POLR3E: variants seen among roughly 807,000 people sequenced by gnomAD.
The protein encoded by POLR3E is DNA-directed RNA polymerase III subunit RPC5.
In POLR3E, 41 loss-of-function variants were observed where a neutral mutation model predicts 96.6. The observed-to-expected ratio is 0.42, with a 90% CI of 0.33 to 0.55. The LOEUF is 0.55. Ranked by LOEUF, POLR3E falls within the 20% of genes least tolerant of loss-of-function variation. The pLI, the probability that POLR3E is intolerant of heterozygous loss-of-function variation, is 0.06. For missense variants in POLR3E, 849 were observed against 952.1 expected (o/e 0.89, Z 1.43); for synonymous variants, 396 against 383.6 (o/e 1.03, Z -0.38).
Position 22,322,842 on chromosome 16 carries a change from A to G in POLR3E, c.987-8A>G, listed in dbSNP as rs1567325024. ...GGACTGACCTGCCATCCTCACCTGCATTGGCAGTGACATCCTATACCCCAA... is the reference window on the plus strand; with the variant it reads ...GGACTGACCTGCCATCCTCACCTGCGTTGGCAGTGACATCCTATACCCCAA... On this transcript the variant is annotated splice_polypyrimidine_tract_variant and splice_region_variant and intron_variant, in intron 13 of 20. Coordinates refer to ENST00000299853, the MANE Select transcript of POLR3E (RefSeq NM_018119.4). The surrounding 1 kb of genome is among the most constrained non-coding windows in gnomAD (Gnocchi z 5.2). The G allele has an allele frequency of 6.2e-7, 1 of 1,607,572 alleles. No individual in the cohort carries two copies. The highest frequency in any genetic ancestry group is 1.1e-5 in the South Asian group (1 of 90,918).
chr16:22,305,408 C>T, intron 3 of POLR3E: 1 of 697,138 alleles, frequency 1.4e-6, no homozygotes, highest in African/African-American at 1.8e-5. Flanking sequence ...ACAGGAGAGG[C>T]AGAAGTGTGC....
chr16:22,298,644 T>C (rs2047956648), intron 1 of POLR3E, among the ~76,000 whole-genome samples: 1 of 152,180 alleles, frequency 6.6e-6, no homozygotes, highest in South Asian at 2.1e-4. Flanking sequence ...CCGTGCAGTA[T>C]AGTGGTTAAG....
In POLR3E at chr16:22,315,116, C is replaced by T; in HGVS notation, c.550C>T (p.Gln184Ter). ...GCGGTTCTCCCGGCCGGAGTCAGAGCAGGCCCGCCAGCGCCGTGTGCAGTC... is the reference window on the plus strand; with the variant it reads ...GCGGTTCTCCCGGCCGGAGTCAGAGTAGGCCCGCCAGCGCCGTGTGCAGTC... Reference protein sequence around the residue: ...TVRFSRPESEQARQRRVQSYE... With the variant: ...TVRFSRPESE Residue 184 changes from glutamine to a stop codon, truncating the protein, a stop_gained, in exon 9 of 21, where the codon CAG becomes TAG. Transcript: ENST00000299853. LOFTEE classifies it high-confidence loss of function. The T allele has an allele frequency of 6.2e-7, 1 of 1,613,348 alleles. No homozygotes were observed. Among genetic ancestry groups the T allele is most frequent in the Non-Finnish European group, 8.5e-7 (1 of 1,179,786 alleles).
At chr16:22,315,345 C>A in intron 9 of POLR3E, 137 bp downstream of exon 9, 2 of 921,056 alleles carry the variant, frequency 2.2e-6, no homozygotes, top group Non-Finnish European at 3.2e-6. Flanking sequence ...GTCCTGTGGG[C>A]AGTTTACACT....
intron 3 of POLR3E, among the ~76,000 whole-genome samples, chr16:22,307,738 CT>C (rs1184951588): frequency 1.3e-5 from 2 of 152,210 alleles, no homozygotes; most frequent in African/African-American, 4.8e-5. Context: ...TGCTTTCACT[CT>C]TTGCTTCCTC....
intron 19 of POLR3E, among the ~76,000 whole-genome samples, chr16:22,331,249 G>A (rs1478176623): frequency 6.6e-6 from 1 of 152,064 alleles, no homozygotes; most frequent in African/African-American, 2.4e-5. Flanking sequence ...CAAGTGCTGG[G>A]ATTGCAGGCG....
intron 1 of POLR3E, among the ~76,000 whole-genome samples, chr16:22,299,804 C>T (rs1165678936): frequency 6.6e-6 from 1 of 152,112 alleles, no homozygotes; most frequent in Admixed American, 6.5e-5. Context: ...CCTCAAACTC[C>T]TGGGTTCAAC....
At chr16:22,332,011 C>G in intron 19 of POLR3E, 49 bp from the exon 20 acceptor site, 1 of 1,590,598 alleles carries the variant, frequency 6.3e-7, no homozygotes, top group South Asian at 1.1e-5. Flanking sequence ...GGGGATGTTT[C>G]TCTTTTTAGA....
intron 14 of POLR3E, among the ~76,000 whole-genome samples, 165 bp from the exon 15 acceptor site, chr16:22,324,189 G>A (rs2048529156): frequency 6.6e-6 from 1 of 151,900 alleles, no homozygotes; most frequent in East Asian, 2.0e-4. Context: ...GGAGGGAGGT[G>A]CAGAGCTGAA....
In POLR3E at chr16:22,324,221, G is replaced by A. The variant is rs147940847; in HGVS notation, c.1069-133G>A. ...TGAAGGGACTGCCTGAGGCCACACT[G>A]TTGGGAAGAATCAAGGCCAGGAGCC... On this transcript the variant is annotated intron_variant, in intron 14 of 20. Transcript: ENST00000299853. 3,639 of 687,552 alleles carry A rather than the reference G, an allele frequency of 5.3e-3. 24 individuals carry two copies. The highest frequency in any genetic ancestry group is 7.5e-3 in the Non-Finnish European group (2,882 of 383,506). The allele number at this position is 687,552 out of a possible 1,614,324, so 42.6% of individuals were successfully genotyped here.
chr16:22,326,435 C>T, intron 18 of POLR3E, 157 bp downstream of exon 18: 1 of 676,460 alleles, frequency 1.5e-6, no homozygotes, highest in Non-Finnish European at 2.6e-6. Context: ...CTCTGAGGCT[C>T]TATTCTCATG....
chr16:22,315,390 G>A (rs576675802), intron 9 of POLR3E, among the ~76,000 whole-genome samples, 182 bp downstream of exon 9: 2 of 152,340 alleles, frequency 1.3e-5, no homozygotes, highest in South Asian at 2.1e-4. Flanking sequence ...TGGGCCCCAG[G>A]AGAGCAAGAG....
At chr16:22,319,060 T>A in intron 13 of POLR3E, 114 bp downstream of exon 13, 1 of 698,490 alleles carries the variant, frequency 1.4e-6, no homozygotes, top group African/African-American at 1.8e-5. Context: ...CTGTAACTTC[T>A]CCCTCCCAGG....
chr16:22,316,896 G>A (rs1464317961), intron 10 of POLR3E, 99 bp from the exon 11 acceptor site: 2 of 1,149,068 alleles, frequency 1.7e-6, no homozygotes, highest in African/African-American at 1.5e-5. Context: ...GCGGGGGTGG[G>A]CTGTCTGCAC....
Position 22,313,589 on chromosome 16 carries a change from A to G in POLR3E, c.365-31A>G, listed in dbSNP as rs2048291882. Reference sequence around the variant, plus strand: ...TGAGCCAAACTGGGTGGGTTTCTAGAGTTGAGTCCAAGCCCTTCTTCCTCC... The same window carrying G: ...TGAGCCAAACTGGGTGGGTTTCTAGGGTTGAGTCCAAGCCCTTCTTCCTCC... On this transcript the variant is annotated intron_variant, in intron 6 of 20. Coordinates refer to ENST00000299853, the MANE Select transcript of POLR3E (RefSeq NM_018119.4). This position sits in a 1 kb window ranked among gnomAD's most constrained non-coding sequence, Gnocchi z 4.1. 1.3e-6 allele frequency: 2 copies of G among 1,487,160 alleles called. No individual in the cohort carries two copies. Among genetic ancestry groups the G allele is most frequent in the Non-Finnish European group, 1.9e-6 (2 of 1,065,490 alleles). 92.1% of individuals were successfully genotyped at this position (1,487,160 alleles called of 1,614,324 possible). A position where few individuals can be genotyped will look rare whatever the true frequency, so the allele number is the denominator to read the frequency against.
chr16:22,326,326 A>G (rs1158755764), intron 18 of POLR3E, 48 bp downstream of exon 18: 1 of 471,702 alleles, frequency 2.1e-6, no homozygotes, highest in Admixed American at 2.4e-5. Context: ...GGGGGTGGGG[A>G]GAACCAGCTG....
intron 19 of POLR3E, chr16:22,329,101 A>G (rs2048677856): frequency 6.0e-6 from 1 of 167,078 alleles, no homozygotes. Flanking sequence ...GAAAAAAAAA[A>G]AAAACATAGA....
intron 18 of POLR3E, chr16:22,328,309 G>A: frequency 3.4e-6 from 2 of 585,192 alleles, no homozygotes; most frequent in Admixed American, 3.0e-5. Flanking sequence ...GCCCTGGGGG[G>A]TGTGCTGGCC....
At chr16:22,321,459 T>C (rs1360781638) in intron 13 of POLR3E, among the ~76,000 whole-genome samples, 1 of 152,218 alleles carries the variant, frequency 6.6e-6, no homozygotes, top group Non-Finnish European at 1.5e-5. Context: ...GTCAGCACCT[T>C]GCGGCTGTTG....
Sources: gnomAD v4.1 joint callset for allele counts (sites outside exome capture counted in the v4.1 genomes callset) on GRCh38, gnomAD v4.1.1 for gene constraint, Gnocchi (gnomAD v3.1) non-coding constraint, MANE v1.5 for transcripts, NCBI Gene and HGNC (gene_info 2026-07-23, HGNC 2026-07-21) for gene names.